ZFPM2: variants seen among roughly 807,000 people sequenced by gnomAD.
ZFPM2 encodes the protein zinc finger protein, FOG family member 2, also known as zinc finger protein ZFPM2.
Under a neutral mutation model 98.6 loss-of-function variants are expected in ZFPM2, and 20 were observed. That is an observed-to-expected ratio of 0.20 (90% CI 0.14 to 0.29). ZFPM2 has a LOEUF of 0.29. Ranked by LOEUF, ZFPM2 falls within the 10% of genes least tolerant of loss-of-function variation. The probability of loss-of-function intolerance (pLI) is 1.00; values close to 1 mark genes in which losing one functional copy is unlikely to be tolerated. For missense variants in ZFPM2, 1,310 were observed against 1,388.6 expected, an observed-to-expected ratio of 0.94 and a Z score of 0.90; for synonymous variants, 518 against 502.7, an observed-to-expected ratio of 1.03 and a Z score of -0.41.
intron 1 of ZFPM2, among the ~76,000 whole-genome samples, chr8:105,392,202 G>C (rs1268596753): frequency 2.0e-5 from 3 of 152,036 alleles, no homozygotes; most frequent in African/African-American, 7.2e-5. Flanking sequence ...TCTCAACAGA[G>C]GGCTTGAAAT....
At chr8:105,730,468 C>T (rs887359022) in intron 5 of ZFPM2, among the ~76,000 whole-genome samples, 1 of 151,862 alleles carries the variant, frequency 6.6e-6, no homozygotes, top group African/African-American at 2.4e-5. Context: ...TCACCTGGTT[C>T]TGCCTTACTG....
At chr8:105,535,109 T>A (rs924969467) in intron 3 of ZFPM2, among the ~76,000 whole-genome samples, 2 of 152,176 alleles carry the variant, frequency 1.3e-5, no homozygotes, top group Non-Finnish European at 2.9e-5. Context: ...ATAAATAGAC[T>A]GGAAATTCCA....
chr8:105,477,145 A>G (rs995427178), intron 3 of ZFPM2, among the ~76,000 whole-genome samples: 1 of 152,032 alleles, frequency 6.6e-6, no homozygotes, highest in South Asian at 2.1e-4. Flanking sequence ...TTTTGGTACA[A>G]TTTTCAAGAA....
chr8:105,660,713 C>G (rs1817371916), intron 5 of ZFPM2, among the ~76,000 whole-genome samples: 2 of 152,216 alleles, frequency 1.3e-5, no homozygotes, highest in South Asian at 2.1e-4. Context: ...TCACCATGCC[C>G]CCTAGCTCCA....
chr8:105,669,801 G>A (rs1239519835), intron 5 of ZFPM2, among the ~76,000 whole-genome samples: 2 of 152,078 alleles, frequency 1.3e-5, no homozygotes, highest in African/African-American at 4.8e-5. Context: ...TGTCATGTAG[G>A]ATAACTTTAT....
intron 3 of ZFPM2, among the ~76,000 whole-genome samples, chr8:105,515,145 TAGAA>T (rs1411463894): frequency 6.6e-6 from 1 of 152,210 alleles, no homozygotes; most frequent in African/African-American, 2.4e-5. Context: ...CAAGAAAAGT[TAGAA>T]AGTTACTGGA....
intron 5 of ZFPM2, among the ~76,000 whole-genome samples, chr8:105,651,513 C>G (rs1187236177): frequency 6.6e-6 from 1 of 151,696 alleles, no homozygotes; most frequent in Non-Finnish European, 1.5e-5. Context: ...TTATATCTAC[C>G]CTTGGACATC....
At chr8:105,662,170 G>A (rs963942711) in intron 5 of ZFPM2, among the ~76,000 whole-genome samples, 6 of 152,134 alleles carry the variant, frequency 3.9e-5, no homozygotes, top group African/African-American at 1.4e-4. Context: ...GAGGAACTGA[G>A]ACTGACACAT....
Position 105,801,759 on chromosome 8 carries a change from T to G in ZFPM2, c.1677T>G (p.Asn559Lys), listed in dbSNP as rs749431028. The G allele has an allele frequency of 6.2e-7, 1 of 1,613,916 alleles. No homozygotes were observed. The highest frequency in any genetic ancestry group is 1.1e-5 in the South Asian group (1 of 91,076). Residue 559 changes from asparagine to lysine, a missense_variant, in exon 8 of 8, where the codon AAT (asparagine) becomes AAG (lysine). Asn to Lys is a moderately conservative substitution (Grantham distance 94). Transcript: ENST00000407775. ...TCFECNITFN[N>K]LDNYLVHKKH... ...TTGAGTGTAACATAACATTCAATAA[T>G]TTGGATAATTATCTAGTGCACAAAA...
chr8:105,737,328 G>C (rs576630916), intron 5 of ZFPM2: 3 of 153,078 alleles, frequency 2.0e-5, no homozygotes, highest in Non-Finnish European at 2.9e-5. Context: ...CTGTGATAGC[G>C]TGAGGGTGGC....
At chr8:105,652,507 T>C (rs1817202190) in intron 5 of ZFPM2, among the ~76,000 whole-genome samples, 1 of 151,816 alleles carries the variant, frequency 6.6e-6, no homozygotes, top group South Asian at 2.1e-4. Flanking sequence ...TTCCCATCTA[T>C]TTATGCATGT....
chr8:105,598,230 A>T (rs1215437797), intron 4 of ZFPM2, among the ~76,000 whole-genome samples: 5 of 152,038 alleles, frequency 3.3e-5, no homozygotes, highest in Admixed American at 3.3e-4. Flanking sequence ...CAGCAGTGGG[A>T]AGGACCGCCT....
chr8:105,429,969 T>C (rs928325349), intron 2 of ZFPM2, among the ~76,000 whole-genome samples: 2 of 152,224 alleles, frequency 1.3e-5, no homozygotes, highest in Non-Finnish European at 2.9e-5. Context: ...TAGCCAATGA[T>C]AGACCTAGGA....
At chr8:105,387,282 G>A (rs1201770772) in intron 1 of ZFPM2, 1 of 155,254 alleles carries the variant, frequency 6.4e-6, no homozygotes, top group Non-Finnish European at 1.4e-5. Flanking sequence ...AGTGGATCCC[G>A]CATTGGGGCG....
At chr8:105,363,802 T>A (rs1421316868) in intron 1 of ZFPM2, among the ~76,000 whole-genome samples, 1 of 152,142 alleles carries the variant, frequency 6.6e-6, no homozygotes, top group Non-Finnish European at 1.5e-5. Flanking sequence ...TAGAAGATAC[T>A]AAGGAGCTGT....
intron 5 of ZFPM2, among the ~76,000 whole-genome samples, chr8:105,761,666 A>G (rs934245663): frequency 5.9e-5 from 9 of 151,902 alleles, no homozygotes; most frequent in Non-Finnish European, 1.0e-4. Context: ...GCTTGTCTCA[A>G]GATATTTCTT....
intron 5 of ZFPM2, among the ~76,000 whole-genome samples, chr8:105,704,882 G>A (rs1811221814): frequency 1.3e-5 from 2 of 152,290 alleles, no homozygotes; most frequent in Admixed American, 1.3e-4. Context: ...GAATACCAGA[G>A]AGGCTCAAGT....
intron 4 of ZFPM2, among the ~76,000 whole-genome samples, chr8:105,585,903 G>A (rs1815701781): frequency 6.6e-6 from 1 of 151,720 alleles, no homozygotes; most frequent in South Asian, 2.1e-4. Context: ...AAAATAGAAG[G>A]GATGTCTAAG....
intron 4 of ZFPM2, among the ~76,000 whole-genome samples, chr8:105,586,497 A>G (rs2130754097): frequency 6.6e-6 from 1 of 152,154 alleles, no homozygotes; most frequent in South Asian, 2.1e-4. Context: ...ATCTTGGCTC[A>G]CTGCAACCTC....
Sources: allele counts gnomAD v4.1 joint callset (sites outside exome capture counted in the v4.1 genomes callset), GRCh38; gene constraint gnomAD v4.1.1; transcripts MANE v1.5; gene names NCBI Gene and HGNC (gene_info 2026-07-23, HGNC 2026-07-21).